Variants in SESTD1 observed in about 807,000 individuals in gnomAD.
SESTD1 encodes SEC14 and spectrin domain containing 1.
Under a neutral mutation model 101.7 loss-of-function variants are expected in SESTD1, and 43 were observed. The observed-to-expected ratio is 0.42, with a 90% CI of 0.33 to 0.55. SESTD1 has a LOEUF of 0.55. Among genes scored for constraint, SESTD1 ranks in the 20% least tolerant of loss-of-function variants. The pLI, the probability that SESTD1 is intolerant of heterozygous loss-of-function variation, is 0.07. For synonymous variants in SESTD1, 283 were observed against 286.8 expected, an observed-to-expected ratio of 0.99 and a Z score of 0.13; for missense variants, 647 against 815.1, an observed-to-expected ratio of 0.79 and a Z score of 2.51.
chr2:179,247,926 A>C (rs891165839), intron 1 of SESTD1, among the ~76,000 whole-genome samples: 2 of 152,148 alleles, frequency 1.3e-5, no homozygotes, highest in African/African-American at 4.8e-5. Flanking sequence ...AAATATATGG[A>C]ACATAGCTAA....
chr2:179,135,471 A>C (rs2045119456), intron 9 of SESTD1, among the ~76,000 whole-genome samples: 1 of 152,006 alleles, frequency 6.6e-6, no homozygotes. Flanking sequence ...ACTAGAGAGA[A>C]GGCTAGGCAC....
intron 17 of SESTD1, among the ~76,000 whole-genome samples, chr2:179,111,495 A>AT (rs2044505219): frequency 6.6e-6 from 1 of 152,168 alleles, no homozygotes; most frequent in Non-Finnish European, 1.5e-5. Flanking sequence ...CACAAAGGTT[A>AT]AGTGGCTTGC....
At chr2:179,139,696 G>A (rs184686059) in intron 9 of SESTD1, among the ~76,000 whole-genome samples, 1 of 152,182 alleles carries the variant, frequency 6.6e-6, no homozygotes, top group East Asian at 1.9e-4. Flanking sequence ...TGACTCACCT[G>A]GTCTGAGGGG....
chr2:179,246,548 TCAA>T (rs963982775), intron 1 of SESTD1, among the ~76,000 whole-genome samples: 1 of 151,856 alleles, frequency 6.6e-6, no homozygotes, highest in Non-Finnish European at 1.5e-5. Flanking sequence ...ACACAGAAAA[TCAA>T]CAAGGATACA....
At position 179,107,023 on chromosome 2, in the gene SESTD1, C is replaced by T. The variant is rs998785636; in HGVS notation, c.*2876G>A. ...AACCCTGCCAGCGTTTCAATAATTC[C>T]CTGAGATGGGCTAAAGGAATGTGGG... On this transcript the variant is annotated 3_prime_UTR_variant, in exon 18 of 18. Coordinates refer to ENST00000428443, the MANE Select transcript of SESTD1 (RefSeq NM_178123.5). 4 of 151,982 alleles carry T rather than the reference C, an allele frequency of 2.6e-5. No individual in the cohort carries two copies. The highest frequency in any genetic ancestry group is 5.9e-5 in the Non-Finnish European group (4 of 67,990). The allele number at this position is 151,982 out of a possible 1,614,324, so 9.4% of individuals were successfully genotyped here. A position where few individuals can be genotyped will look rare whatever the true frequency, so the allele number is the denominator to read the frequency against.
At chr2:179,150,078 C>T (rs1035718877) in intron 6 of SESTD1, among the ~76,000 whole-genome samples, 2 of 152,010 alleles carry the variant, frequency 1.3e-5, no homozygotes, top group African/African-American at 2.4e-5. Flanking sequence ...ATAAAACCTT[C>T]GTCAGGCATG....
intron 5 of SESTD1, 64 bp downstream of exon 5, chr2:179,172,056 A>G: frequency 1.8e-6 from 2 of 1,118,292 alleles, no homozygotes; most frequent in South Asian, 2.9e-5. Context: ...ACGGTCAAAA[A>G]TAATTTCAGT....
intron 1 of SESTD1, among the ~76,000 whole-genome samples, chr2:179,220,488 A>G (rs1159553265): frequency 6.6e-6 from 1 of 152,084 alleles, no homozygotes; most frequent in Non-Finnish European, 1.5e-5. Context: ...AGTATCCCCT[A>G]TGGCTAGGAC....
At chr2:179,231,912 G>A (rs932133382) in intron 1 of SESTD1, among the ~76,000 whole-genome samples, 11 of 151,950 alleles carry the variant, frequency 7.2e-5, no homozygotes, top group African/African-American at 2.4e-4. Flanking sequence ...CATAACCATC[G>A]TGTATGCCTA....
At chr2:179,150,133 A>C (rs2045486578) in intron 6 of SESTD1, among the ~76,000 whole-genome samples, 1 of 152,162 alleles carries the variant, frequency 6.6e-6, no homozygotes, top group Admixed American at 6.5e-5. Context: ...GCTGAGGTGG[A>C]AGGACTGCTT....
chr2:179,192,279 T>A (rs890083335), intron 1 of SESTD1, among the ~76,000 whole-genome samples: 2 of 152,158 alleles, frequency 1.3e-5, no homozygotes, highest in African/African-American at 2.4e-5. Flanking sequence ...AGGCAGTCAA[T>A]CTTCCTTTGT....
intron 8 of SESTD1, among the ~76,000 whole-genome samples, chr2:179,145,573 G>C (rs1324066650): frequency 4.6e-5 from 7 of 152,196 alleles, no homozygotes; most frequent in Middle Eastern, 3.2e-3. Context: ...GATTCTCTTA[G>C]AGTTTGTGAA....
chr2:179,185,325 T>G (rs767862542), intron 2 of SESTD1, among the ~76,000 whole-genome samples: 1 of 147,868 alleles, frequency 6.8e-6, no homozygotes, highest in Non-Finnish European at 1.5e-5. Context: ...ATATATAATA[T>G]AGCATATATT....
intron 1 of SESTD1, among the ~76,000 whole-genome samples, chr2:179,233,797 T>C (rs1466872216): frequency 2.6e-5 from 4 of 152,174 alleles, no homozygotes; most frequent in African/African-American, 9.6e-5. Context: ...GATACATGCA[T>C]GCATGCATGC....
chr2:179,188,802 C>T (rs1009583652), intron 2 of SESTD1, among the ~76,000 whole-genome samples: 1 of 152,118 alleles, frequency 6.6e-6, no homozygotes, highest in South Asian at 2.1e-4. Flanking sequence ...CAAAAGACTT[C>T]TGTGCACACT....
At chr2:179,130,518 C>A (rs1162934275) in intron 10 of SESTD1, among the ~76,000 whole-genome samples, 1 of 151,998 alleles carries the variant, frequency 6.6e-6, no homozygotes, top group Non-Finnish European at 1.5e-5. Context: ...TTCATCCATA[C>A]TATACGCAAT....
intron 1 of SESTD1, among the ~76,000 whole-genome samples, chr2:179,229,674 A>C (rs2105536234): frequency 6.6e-6 from 1 of 150,920 alleles, no homozygotes; most frequent in South Asian, 2.1e-4. Flanking sequence ...GATGATGAAA[A>C]AAGAAACGAA....
At chr2:179,192,959 G>A (rs1442912638) in intron 1 of SESTD1, among the ~76,000 whole-genome samples, 2 of 152,100 alleles carry the variant, frequency 1.3e-5, no homozygotes, top group East Asian at 1.9e-4. Flanking sequence ...ATATTCTCTT[G>A]AAGACATTTC....
chr2:179,144,031 G>A (rs1285520277), intron 8 of SESTD1, among the ~76,000 whole-genome samples: 3 of 151,828 alleles, frequency 2.0e-5, no homozygotes, highest in Non-Finnish European at 4.4e-5. Flanking sequence ...AAACTAGATA[G>A]TATATTAAAA....
Sources: allele counts gnomAD v4.1 joint callset (sites outside exome capture counted in the v4.1 genomes callset), GRCh38; gene constraint gnomAD v4.1.1; transcripts MANE v1.5; gene names NCBI Gene and HGNC (gene_info 2026-07-23, HGNC 2026-07-21).